The following GNA12 variants were observed in gnomAD, a reference collection of about 807,000 sequenced individuals.
GNA12 encodes guanine nucleotide-binding protein subunit alpha-12.
GNA12 carries 9 observed loss-of-function variants against 26.0 expected under a neutral mutation model. The ratio of observed to expected loss-of-function variants is 0.35; its 90% CI spans 0.21 to 0.60. The LOEUF (loss-of-function observed/expected upper bound fraction) is 0.60, where lower values mean the gene tolerates loss of function less well. Ranked by LOEUF, GNA12 falls within the 20% of genes least tolerant of loss-of-function variation. GNA12 has a pLI of 0.78. For missense variants in GNA12, 405 were observed against 525.8 expected, an observed-to-expected ratio of 0.77 and a Z score of 2.25; for synonymous variants, 264 against 219.6, an observed-to-expected ratio of 1.20 and a Z score of -1.79.
chr7:2,757,008 A>T (rs1044690284), intron 2 of GNA12, among the ~76,000 whole-genome samples: 1 of 151,712 alleles, frequency 6.6e-6, no homozygotes, highest in Non-Finnish European at 1.5e-5. Context: ...GGGGAGTTCG[A>T]GGCTGCAGTG....
intron 2 of GNA12, among the ~76,000 whole-genome samples, chr7:2,769,159 C>G (rs555089771): frequency 1.3e-5 from 2 of 152,246 alleles, no homozygotes; most frequent in African/African-American, 4.8e-5. Flanking sequence ...CCGTCTTGGC[C>G]TCCCAAAGTG....
rs1180278804 is a variant in GNA12 at position 2,731,236 on chromosome 7, T to C, written c.1091A>G (p.His364Arg). The C allele has an allele frequency of 5.0e-6, 8 of 1,613,398 alleles. No homozygotes were observed. Among genetic ancestry groups the C allele is most frequent in the Non-Finnish European group, 5.9e-6 (7 of 1,179,856 alleles). Reference protein sequence around the residue: ...IDTENVRFVFHAVKDTILQEN... With the variant: ...IDTENVRFVFRAVKDTILQEN... ...CTGCAGGATGGTGTCTTTCACAGCA[T>C]GGAACACGAAGCGGACGTTCTCGGT... Residue 364 changes from histidine to arginine, a missense_variant, in exon 4 of 4, where the codon CAT (histidine) becomes CGT (arginine). Physicochemically the swap from His to Arg is conservative, Grantham distance 29. Coordinates refer to ENST00000275364, the MANE Select transcript of GNA12 (RefSeq NM_007353.3). This position sits in a 1 kb window ranked among gnomAD's most constrained non-coding sequence, Gnocchi z 6.0.
intron 1 of GNA12, among the ~76,000 whole-genome samples, chr7:2,836,694 C>T (rs1349770378): frequency 1.3e-5 from 2 of 151,898 alleles, no homozygotes; most frequent in African/African-American, 2.4e-5. Flanking sequence ...GAGGCCGAGG[C>T]GGGTGGATCA....
chr7:2,834,796 T>C (rs990000256), intron 1 of GNA12, among the ~76,000 whole-genome samples: 2 of 152,186 alleles, frequency 1.3e-5, no homozygotes, highest in Non-Finnish European at 2.9e-5. Flanking sequence ...TATAGTAACA[T>C]GCGGTACAGG....
intron 1 of GNA12, among the ~76,000 whole-genome samples, chr7:2,838,650 C>A (rs886403051): frequency 6.6e-6 from 1 of 151,920 alleles, no homozygotes; most frequent in Admixed American, 6.6e-5. Context: ...AAATATGATG[C>A]AACAATATGC....
intron 1 of GNA12, chr7:2,814,865 GCACT>G: frequency 6.2e-7 from 1 of 1,600,910 alleles, no homozygotes; most frequent in Non-Finnish European, 8.5e-7. Flanking sequence ...CCCCTCCACA[GCACT>G]CACTCACACG....
At chr7:2,774,805 C>A (rs981289769) in intron 2 of GNA12, among the ~76,000 whole-genome samples, 3 of 152,124 alleles carry the variant, frequency 2.0e-5, no homozygotes, top group Non-Finnish European at 4.4e-5. Flanking sequence ...GTTTTTCCCC[C>A]CTTTTAAACA....
At chr7:2,814,458 C>T (rs1691074314) in intron 1 of GNA12, 2 of 917,694 alleles carry the variant, frequency 2.2e-6, no homozygotes, top group Non-Finnish European at 3.6e-6. Context: ...GAATAAAGCC[C>T]TGCTCAAGCT....
At chr7:2,738,262 A>G (rs758619842) in intron 2 of GNA12, among the ~76,000 whole-genome samples, 2 of 151,188 alleles carry the variant, frequency 1.3e-5, no homozygotes, top group Admixed American at 6.6e-5. Flanking sequence ...TAAAAATACA[A>G]AAACAGAGTG....
chr7:2,835,753 A>C (rs1359573812), intron 1 of GNA12: 9 of 792,472 alleles, frequency 1.1e-5, no homozygotes, highest in Non-Finnish European at 1.8e-5. Context: ...AGTAAAACAG[A>C]AACAACTCCA....
intron 2 of GNA12, among the ~76,000 whole-genome samples, chr7:2,784,590 G>C (rs890833831): frequency 6.6e-6 from 1 of 152,144 alleles, no homozygotes; most frequent in African/African-American, 2.4e-5. Context: ...TCAGCCCAAA[G>C]CATTATTCTT....
At chr7:2,749,966 A>G (rs560768761) in intron 2 of GNA12, among the ~76,000 whole-genome samples, 1 of 152,264 alleles carries the variant, frequency 6.6e-6, no homozygotes, top group Non-Finnish European at 1.5e-5. Flanking sequence ...GAGAACAAAG[A>G]GAGTGGGGCA....
intron 1 of GNA12, among the ~76,000 whole-genome samples, chr7:2,804,959 G>C (rs1355171077): frequency 3.3e-5 from 5 of 151,972 alleles, no homozygotes; most frequent in Admixed American, 2.0e-4. Flanking sequence ...TTTTAGAAAG[G>C]CTGCTTTTGA....
intron 2 of GNA12, among the ~76,000 whole-genome samples, chr7:2,787,116 T>C (rs1317633619): frequency 6.6e-6 from 1 of 152,018 alleles, no homozygotes; most frequent in Non-Finnish European, 1.5e-5. Context: ...ACAACAACCC[T>C]GGGGCTCGCT....
In GNA12 at chr7:2,820,719, G is replaced by A. The variant is rs141574943; in HGVS notation, c.309+23134C>T. On this transcript the variant is annotated intron_variant, in intron 1 of 3. Transcript: ENST00000275364. ...CTCTGCCCTGTAATCTTCCAAAGAG[G>A]AAACTCCAACTGTGTCTTTTAAAAC... Among the ~76,000 whole-genome samples the A allele has an allele frequency of 4.6e-3, 697 of 152,246 alleles. 8 individuals carry two copies. Among genetic ancestry groups the A allele is most frequent in the African/African-American group, 0.016 (657 of 41,540 alleles).
intron 1 of GNA12, chr7:2,835,977 G>A (rs992442329): frequency 4.3e-6 from 2 of 467,742 alleles, no homozygotes; most frequent in South Asian, 4.2e-5. Flanking sequence ...AAGTTCAGTT[G>A]TATGCAAAAT....
intron 2 of GNA12, among the ~76,000 whole-genome samples, chr7:2,755,178 A>T (rs958840971): frequency 3.9e-5 from 6 of 152,046 alleles, no homozygotes; most frequent in African/African-American, 1.4e-4. Flanking sequence ...GGGAGACAAC[A>T]GGCCTTGGAA....
chr7:2,753,906 G>C (rs1438998724), intron 2 of GNA12, among the ~76,000 whole-genome samples: 1 of 152,128 alleles, frequency 6.6e-6, no homozygotes, highest in Non-Finnish European at 1.5e-5. Context: ...CAATGTGGCA[G>C]GGAGAGCTCA....
At chr7:2,770,488 G>A (rs990836354) in intron 2 of GNA12, among the ~76,000 whole-genome samples, 11 of 152,114 alleles carry the variant, frequency 7.2e-5, no homozygotes, top group Non-Finnish European at 1.5e-4. Flanking sequence ...AGGCGTGGTG[G>A]TGCACACCTG....
Sources: gnomAD v4.1 joint callset for allele counts (sites outside exome capture counted in the v4.1 genomes callset) on GRCh38, gnomAD v4.1.1 for gene constraint, Gnocchi (gnomAD v3.1) non-coding constraint, MANE v1.5 for transcripts, NCBI Gene and HGNC (gene_info 2026-07-23, HGNC 2026-07-21) for gene names.